Variants in TANC2 observed in about 807,000 individuals in gnomAD.
TANC2 encodes the protein protein TANC2.
TANC2 carries 26 observed loss-of-function variants against 210.5 expected under a neutral mutation model. The ratio of observed to expected loss-of-function variants is 0.12; its 90% CI spans 0.09 to 0.17. TANC2 has a LOEUF of 0.17. TANC2 is among the 10% of genes least tolerant of loss of function. The probability of loss-of-function intolerance (pLI) is 1.00; values close to 1 mark genes in which losing one functional copy is unlikely to be tolerated. For synonymous variants in TANC2, 931 were observed against 967.1 expected, an observed-to-expected ratio of 0.96 and a Z score of 0.69; for missense variants, 2,129 against 2,608.9, an observed-to-expected ratio of 0.82 and a Z score of 4.01.
chr17:63,065,283 A>G (rs374725069), intron 2 of TANC2, among the ~76,000 whole-genome samples: 51 of 152,120 alleles, frequency 3.4e-4, no homozygotes, highest in South Asian at 1.5e-3. Flanking sequence ...CATTCACCAC[A>G]TTTTCTTTAT....
chr17:63,397,500 T>C (rs2048205672), intron 18 of TANC2, among the ~76,000 whole-genome samples: 1 of 152,242 alleles, frequency 6.6e-6, no homozygotes, highest in Non-Finnish European at 1.5e-5. Flanking sequence ...ACTGTTAAAC[T>C]ACTTCTCGTC....
exon 28 of TANC2, chr17:63,426,956 T>C (rs969267272): frequency 2.6e-5 from 4 of 152,234 alleles, no homozygotes; most frequent in African/African-American, 9.6e-5. Context: ...GTACCTGCCT[T>C]ATTGCATACC....
chr17:63,152,756 A>G (rs554864779), intron 5 of TANC2: 121 of 152,224 alleles, frequency 7.9e-4, no homozygotes, highest in Admixed American at 3.5e-3. Context: ...GGAAAACCCT[A>G]TCAGAGGCCT....
At chr17:63,037,806 C>T (rs762023775) in intron 2 of TANC2, among the ~76,000 whole-genome samples, 1 of 151,936 alleles carries the variant, frequency 6.6e-6, no homozygotes, top group Non-Finnish European at 1.5e-5. Flanking sequence ...GACCGAGACT[C>T]CATCTCAAAA....
intron 3 of TANC2, among the ~76,000 whole-genome samples, chr17:63,074,421 A>G (rs2036505233): frequency 6.6e-6 from 1 of 152,092 alleles, no homozygotes; most frequent in Non-Finnish European, 1.5e-5. Flanking sequence ...TAATTGCTAT[A>G]TTAGGATCTT....
intron 3 of TANC2, among the ~76,000 whole-genome samples, chr17:63,074,515 A>G (rs1280844864): frequency 6.6e-6 from 1 of 152,130 alleles, no homozygotes; most frequent in Non-Finnish European, 1.5e-5. Context: ...AAACTAGGTA[A>G]AAACATTCTG....
At chr17:63,000,347 T>A (rs1187870858) in intron 1 of TANC2, among the ~76,000 whole-genome samples, 2 of 152,262 alleles carry the variant, frequency 1.3e-5, no homozygotes, top group Non-Finnish European at 2.9e-5. Context: ...TAAACATTTT[T>A]ATGCATGGGA....
chr17:63,182,475 AG>A, intron 5 of TANC2: 1 of 276,080 alleles, frequency 3.6e-6, no homozygotes, highest in Non-Finnish European at 7.1e-6. Flanking sequence ...TGATGCCTTC[AG>A]GGACATTTTT....
chr17:63,098,515 G>GTGTGTATATATA (rs1555571195), intron 3 of TANC2, among the ~76,000 whole-genome samples: 3 of 126,754 alleles, frequency 2.4e-5, no homozygotes, highest in African/African-American at 8.6e-5. Context: ...CTCTCTGTGT[G>GTGTGTATATATA]TATATATATA....
At chr17:63,276,180 TC>T (rs2043867336) in intron 9 of TANC2, among the ~76,000 whole-genome samples, 1 of 152,148 alleles carries the variant, frequency 6.6e-6, no homozygotes, top group African/African-American at 2.4e-5. Flanking sequence ...CTAGATGATT[TC>T]ATTTTAAGGC....
intron 1 of TANC2, among the ~76,000 whole-genome samples, chr17:63,007,248 T>C (rs888912806): frequency 6.6e-6 from 1 of 152,162 alleles, no homozygotes; most frequent in Admixed American, 6.5e-5. Context: ...AAAAGAGTTA[T>C]GCTATCTTCT....
At chr17:63,013,467 T>C (rs1213415957) in intron 2 of TANC2, among the ~76,000 whole-genome samples, 3 of 152,034 alleles carry the variant, frequency 2.0e-5, no homozygotes, top group Admixed American at 2.0e-4. Context: ...TTGAAAAAAA[T>C]CTTTATATTC....
chr17:63,047,313 A>T (rs1462790998), intron 2 of TANC2, among the ~76,000 whole-genome samples: 1 of 152,208 alleles, frequency 6.6e-6, no homozygotes, highest in Admixed American at 6.5e-5. Flanking sequence ...ACGGGAGAAC[A>T]TTTAAACATT....
At chr17:63,184,217 G>A (rs752918589) in intron 5 of TANC2, among the ~76,000 whole-genome samples, 4 of 152,096 alleles carry the variant, frequency 2.6e-5, no homozygotes, top group Admixed American at 6.5e-5. Flanking sequence ...AGAGTAGTAA[G>A]TTTGCTGATA....
At chr17:62,974,230 G>A (rs1219146493) in intron 1 of TANC2, among the ~76,000 whole-genome samples, 1 of 152,114 alleles carries the variant, frequency 6.6e-6, no homozygotes, top group African/African-American at 2.4e-5. Context: ...GTACCTCTCT[G>A]ATGACACCCT....
intron 11 of TANC2, among the ~76,000 whole-genome samples, chr17:63,337,610 C>CT (rs61052447): frequency 1.3e-3 from 180 of 143,746 alleles, no homozygotes; most frequent in Middle Eastern, 3.6e-3. Context: ...TCTTTCCAAT[C>CT]TTTTTTTTTT....
intron 1 of TANC2, among the ~76,000 whole-genome samples, chr17:62,984,838 T>TTAAAATTTAAAAATTAAAAAA (rs2032490096): frequency 6.6e-6 from 1 of 152,226 alleles, no homozygotes; most frequent in Non-Finnish European, 1.5e-5. Context: ...ATGATTTAAA[T>TTAAAATTTAAAAATTAAAAAA]TAAAACAATG....
chr17:62,985,320 C>T (rs1167297998), intron 1 of TANC2, among the ~76,000 whole-genome samples: 1 of 151,900 alleles, frequency 6.6e-6, no homozygotes, highest in Non-Finnish European at 1.5e-5. Context: ...TTTTCTTTTA[C>T]TTTTGACAAT....
intron 8 of TANC2, among the ~76,000 whole-genome samples, chr17:63,252,436 T>C (rs1484865062): frequency 6.6e-6 from 1 of 152,184 alleles, no homozygotes; most frequent in Admixed American, 6.5e-5. Flanking sequence ...TACAAAATTA[T>C]TGTTGACTAT....
Sources: allele counts gnomAD v4.1 joint callset (sites outside exome capture counted in the v4.1 genomes callset), GRCh38; gene constraint gnomAD v4.1.1; transcripts MANE v1.5; gene names NCBI Gene and HGNC (gene_info 2026-07-23, HGNC 2026-07-21).